PDPR: variants seen among roughly 807,000 people sequenced by gnomAD.
PDPR encodes pyruvate dehydrogenase phosphatase regulatory subunit, also known as pyruvate dehydrogenase phosphatase regulatory subunit, mitochondrial.
Under a neutral mutation model 102.2 loss-of-function variants are expected in PDPR, and 50 were observed. The ratio of observed to expected loss-of-function variants is 0.49; its 90% CI spans 0.39 to 0.62. The LOEUF (loss-of-function observed/expected upper bound fraction) is 0.62. PDPR is among the 20% of genes least tolerant of loss of function. The pLI, the probability that PDPR is intolerant of heterozygous loss-of-function variation, is 0.00. For missense variants in PDPR, 625 were observed against 1,098.2 expected (o/e 0.57, Z 6.09); for synonymous variants, 259 against 406.0 (o/e 0.64, Z 4.35).
intron 2 of PDPR, among the ~76,000 whole-genome samples, chr16:70,117,450 A>G (rs1373237458): frequency 2.6e-5 from 4 of 151,366 alleles, no homozygotes; most frequent in Admixed American, 1.3e-4. Flanking sequence ...CCCAGGAGGC[A>G]GAGCTTGCAG....
chr16:70,119,811 T>A (rs1003595517), intron 2 of PDPR, among the ~76,000 whole-genome samples: 2 of 150,760 alleles, frequency 1.3e-5, no homozygotes, highest in Non-Finnish European at 2.9e-5. Flanking sequence ...CTCTCAAATG[T>A]AAATTTCATA....
intron 18 of PDPR, among the ~76,000 whole-genome samples, 166 bp downstream of exon 18, chr16:70,153,739 T>A (rs1966858594): frequency 6.6e-6 from 1 of 152,280 alleles, no homozygotes; most frequent in Non-Finnish European, 1.5e-5. Flanking sequence ...GAAAACTTTA[T>A]AGGATAAAAT....
At chr16:70,141,842 G>A (rs1345296406) in intron 11 of PDPR, among the ~76,000 whole-genome samples, 1 of 152,270 alleles carries the variant, frequency 6.6e-6, no homozygotes, top group Non-Finnish European at 1.5e-5. Flanking sequence ...GCTCACGCCT[G>A]TAATCCCAGC....
In PDPR at chr16:70,161,145, C is replaced by A; in HGVS notation, c.*4266C>A. 6.5e-6 allele frequency: 1 copy of A among 152,978 alleles called. No homozygotes were observed. Among genetic ancestry groups the A allele is most frequent in the Non-Finnish European group, 1.5e-5 (1 of 68,546 alleles). 9.5% of individuals were successfully genotyped at this position (152,978 alleles called of 1,614,324 possible). A position where few individuals can be genotyped will look rare whatever the true frequency, so the allele number is the denominator to read the frequency against. On this transcript the variant is annotated 3_prime_UTR_variant, in exon 19 of 19. Transcript: ENST00000288050. ...AGGTTTGGTTGGCCGGGCGTGGTCG[C>A]TTACTCCTGTAATCCCAGCACTTTG...
At chr16:70,139,532 A>G (rs1404594892) in intron 11 of PDPR, among the ~76,000 whole-genome samples, 3 of 152,238 alleles carry the variant, frequency 2.0e-5, no homozygotes, top group Non-Finnish European at 4.4e-5. Flanking sequence ...AATCCACCCT[A>G]CAGCAGCAAG....
intron 14 of PDPR, among the ~76,000 whole-genome samples, chr16:70,144,107 A>T (rs1966014982): frequency 6.6e-6 from 1 of 151,856 alleles, no homozygotes; most frequent in South Asian, 2.1e-4. Context: ...GCCCAGGCTG[A>T]TCTTGAACAC....
Position 70,152,412 on chromosome 16 carries a change from G to A in PDPR, c.2053-979G>A, listed in dbSNP as rs960951580. Reference sequence around the variant, plus strand: ...CAGCCACCTATAGTACCAGCTACTCGGGAGGCTGAGGCAGGAGATTCACTT... The same window carrying A: ...CAGCCACCTATAGTACCAGCTACTCAGGAGGCTGAGGCAGGAGATTCACTT... On this transcript the variant is annotated intron_variant, in intron 17 of 18. Transcript: ENST00000288050. Among the ~76,000 whole-genome samples, 14 of 152,268 alleles carry A rather than the reference G, an allele frequency of 9.2e-5. No homozygotes were observed. The South Asian group carries it at 1.9e-3, about 20-fold the overall frequency.
chr16:70,163,394 A>C (rs1272038856), downstream of PDPR, among the ~76,000 whole-genome samples: 1 of 152,228 alleles, frequency 6.6e-6, no homozygotes, highest in African/African-American at 2.4e-5. Flanking sequence ...ACCACGCCAG[A>C]AACCTGGGAC....
At chr16:70,139,757 A>G (rs1415945151) in intron 11 of PDPR, among the ~76,000 whole-genome samples, 1 of 152,228 alleles carries the variant, frequency 6.6e-6, no homozygotes, top group Non-Finnish European at 1.5e-5. Flanking sequence ...ATTTTCCTGT[A>G]CTGAGGAGCT....
intron 2 of PDPR, among the ~76,000 whole-genome samples, chr16:70,118,456 G>A (rs1385765153): frequency 6.6e-6 from 1 of 152,274 alleles, no homozygotes; most frequent in East Asian, 1.9e-4. Context: ...CCACCAAGGA[G>A]CAGGACAGTT....
chr16:70,137,074 C>T (rs1475956640), intron 10 of PDPR, among the ~76,000 whole-genome samples: 10 of 150,044 alleles, frequency 6.7e-5, no homozygotes, highest in African/African-American at 1.7e-4. Context: ...GACACTAGGC[C>T]GGGCGCAGTG....
At chr16:70,146,303 T>C in intron 16 of PDPR, 75 bp downstream of exon 16, 1 of 1,606,898 alleles carries the variant, frequency 6.2e-7, no homozygotes, top group East Asian at 2.2e-5. Context: ...GTACATATTC[T>C]TACTATGGTG....
At chr16:70,151,453 C>G (rs1966734575) in intron 17 of PDPR, among the ~76,000 whole-genome samples, 1 of 152,290 alleles carries the variant, frequency 6.6e-6, no homozygotes, top group Non-Finnish European at 1.5e-5. Context: ...ATTTCATCTG[C>G]TTTTCCACAC....
intron 2 of PDPR, among the ~76,000 whole-genome samples, chr16:70,118,706 A>C (rs1962907535): frequency 6.6e-6 from 1 of 152,102 alleles, no homozygotes; most frequent in Non-Finnish European, 1.5e-5. Flanking sequence ...CACGGGAAAT[A>C]AATTGGTCAC....
intron 17 of PDPR, among the ~76,000 whole-genome samples, chr16:70,151,160 G>A (rs1171090964): frequency 6.6e-6 from 1 of 152,184 alleles, no homozygotes; most frequent in African/African-American, 2.4e-5. Flanking sequence ...GGTCTCAATC[G>A]CCTGACCTCG....
In PDPR at chr16:70,156,818, C is replaced by G. The variant is rs1046883173; in HGVS notation, c.2579C>G (p.Ser860Cys). 1.2e-6 allele frequency: 2 copies of G among 1,613,956 alleles called. No homozygotes were observed. The highest frequency in any genetic ancestry group is 1.7e-6 in the Non-Finnish European group (2 of 1,179,910). Residue 860 changes from serine (S) to cysteine (C), a missense_variant, in exon 19 of 19, where the codon TCC (serine) becomes TGC (cysteine). By Grantham distance (112) the Ser-to-Cys change is moderately radical (BLOSUM62 -1). Transcript: ENST00000288050. ...QAKAKLYPVA[S>C]LFTQKRRKDD... ...AAGGCCAAGCTCTACCCTGTCGCCT[C>G]CCTCTTCACCCAGAAGCGCCGAAAG...
intron 17 of PDPR, among the ~76,000 whole-genome samples, chr16:70,152,474 C>T (rs1051446237): frequency 7.2e-5 from 11 of 152,260 alleles, no homozygotes; most frequent in African/African-American, 9.6e-5. Context: ...GCCGAGATCG[C>T]GCCACTTCAC....
chr16:70,114,753 C>T (rs2432277), intron 1 of PDPR, 68 bp from the exon 2 acceptor site: 2 of 152,398 alleles, frequency 1.3e-5, no homozygotes, highest in Non-Finnish European at 2.9e-5. Flanking sequence ...TCCCCCGTCT[C>T]GGGCTTGCAC....
intron 11 of PDPR, among the ~76,000 whole-genome samples, chr16:70,140,287 G>T (rs1213587174): frequency 6.6e-6 from 1 of 152,268 alleles, no homozygotes; most frequent in Non-Finnish European, 1.5e-5. Context: ...GCTGCAGTGA[G>T]CCATGATGGT....
Sources: gnomAD v4.1 joint callset for allele counts (sites outside exome capture counted in the v4.1 genomes callset) on GRCh38, gnomAD v4.1.1 for gene constraint, MANE v1.5 for transcripts, NCBI Gene and HGNC (gene_info 2026-07-23, HGNC 2026-07-21) for gene names.